Variants in PIK3C2G observed in about 807,000 individuals in gnomAD.
PIK3C2G encodes phosphatidylinositol 3-kinase C2 domain-containing subunit gamma.
PIK3C2G carries 168 observed loss-of-function variants against 181.1 expected under a neutral mutation model. The ratio of observed to expected loss-of-function variants is 0.93; its 90% CI spans 0.82 to 1.05. The LOEUF (loss-of-function observed/expected upper bound fraction) is 1.05, where lower values mean the gene tolerates loss of function less well. Among genes scored for constraint, PIK3C2G ranks in the 50% least tolerant of loss-of-function variants. The pLI, the probability that PIK3C2G is intolerant of heterozygous loss-of-function variation, is 0.00. For missense variants in PIK3C2G, 1,869 were observed against 1,732.8 expected, an observed-to-expected ratio of 1.08 and a Z score of -1.40; for synonymous variants, 573 against 592.2, an observed-to-expected ratio of 0.97 and a Z score of 0.47.
chr12:18,287,789 G>A (rs1037338107), intron 3 of PIK3C2G, among the ~76,000 whole-genome samples: 1 of 151,752 alleles, frequency 6.6e-6, no homozygotes, highest in African/African-American at 2.4e-5. Flanking sequence ...GCTTGAACCC[G>A]GGATGCAGAG....
chr12:18,451,560 GTTTA>G (rs1345389874), intron 18 of PIK3C2G, among the ~76,000 whole-genome samples: 1 of 151,974 alleles, frequency 6.6e-6, no homozygotes, highest in Non-Finnish European at 1.5e-5. Flanking sequence ...TTTGAATATT[GTTTA>G]TTTCTTTCTC....
the PIK3C2G span, among the ~76,000 whole-genome samples, chr12:18,710,130 T>C: frequency 1.3e-5 from 2 of 150,410 alleles, no homozygotes; most frequent in Non-Finnish European, 3.0e-5. Flanking sequence ...CTTTTCTTCC[T>C]ATTGGAAATA....
chr12:18,345,687 C>T (rs1939603444), intron 10 of PIK3C2G, among the ~76,000 whole-genome samples: 1 of 152,038 alleles, frequency 6.6e-6, no homozygotes, highest in Non-Finnish European at 1.5e-5. Flanking sequence ...GCTTTTTTAA[C>T]TTATAAAGTG....
intron 24 of PIK3C2G, among the ~76,000 whole-genome samples, chr12:18,521,635 G>A (rs1386092405): frequency 2.0e-5 from 3 of 152,182 alleles, no homozygotes; most frequent in African/African-American, 4.8e-5. Flanking sequence ...TAGGAAGGGG[G>A]AGTGCAGCCT....
the PIK3C2G span, among the ~76,000 whole-genome samples, chr12:18,665,580 G>A: frequency 6.6e-6 from 1 of 152,094 alleles, no homozygotes; most frequent in East Asian, 1.9e-4. Context: ...ATCACCTGAG[G>A]TCGGGAGTTG....
intron 19 of PIK3C2G, among the ~76,000 whole-genome samples, chr12:18,489,478 C>T (rs1240806935): frequency 6.6e-6 from 1 of 151,824 alleles, no homozygotes; most frequent in African/African-American, 2.4e-5. Context: ...CTTTCTCAGC[C>T]CAGGATTTTT....
intron 11 of PIK3C2G, 86 bp from the exon 12 acceptor site, chr12:18,362,678 T>C (rs1941345983): frequency 1.8e-5 from 18 of 997,308 alleles, no homozygotes; most frequent in Non-Finnish European, 2.4e-5. Flanking sequence ...ATCATTTGAC[T>C]TTTGACTACA....
chr12:18,714,201 C>T, the PIK3C2G span, among the ~76,000 whole-genome samples: 1 of 152,106 alleles, frequency 6.6e-6, no homozygotes, highest in African/African-American at 2.4e-5. Flanking sequence ...ATAGTTATAG[C>T]GTTAAGATAA....
At chr12:18,602,886 T>G (rs2136549800) in intron 30 of PIK3C2G, among the ~76,000 whole-genome samples, 1 of 152,262 alleles carries the variant, frequency 6.6e-6, no homozygotes, top group South Asian at 2.1e-4. Flanking sequence ...CCTTCAGCCC[T>G]TGACTTTCCC....
intron 24 of PIK3C2G, among the ~76,000 whole-genome samples, chr12:18,530,573 A>G (rs1943495005): frequency 6.6e-6 from 1 of 152,092 alleles, no homozygotes; most frequent in African/African-American, 2.4e-5. Context: ...TCATTACTTG[A>G]TAAGATCAAC....
At chr12:18,261,325 T>A (rs138545025), upstream of PIK3C2G, among the ~76,000 whole-genome samples, 1 of 152,200 alleles carries the variant, frequency 6.6e-6, no homozygotes, top group African/African-American at 2.4e-5. Flanking sequence ...AGCTCATTTA[T>A]GGTTGGGTTT....
At chr12:18,424,093 G>A in intron 18 of PIK3C2G, 54 bp downstream of exon 18, 1 of 1,025,922 alleles carries the variant, frequency 9.7e-7, no homozygotes, top group East Asian at 2.5e-5. Flanking sequence ...CCTTCTCTAT[G>A]GGGCAGCTTT....
intron 24 of PIK3C2G, among the ~76,000 whole-genome samples, chr12:18,524,505 T>C (rs901080141): frequency 6.6e-6 from 1 of 152,164 alleles, no homozygotes; most frequent in African/African-American, 2.4e-5. Context: ...TTTAATCCTG[T>C]ATTAGTATAT....
chr12:18,704,573 C>T, the PIK3C2G span, among the ~76,000 whole-genome samples: 1 of 152,018 alleles, frequency 6.6e-6, no homozygotes, highest in East Asian at 1.9e-4. Context: ...GGGATCCGCC[C>T]TCCTCAGCCT....
At chr12:18,562,965 A>G in intron 27 of PIK3C2G, 73 bp downstream of exon 27, 7 of 965,372 alleles carry the variant, frequency 7.3e-6, no homozygotes, top group Non-Finnish European at 1.1e-5. Context: ...ACTATGCTAC[A>G]CAGCCTTTCT....
chr12:18,474,701 A>C (rs140434616), intron 18 of PIK3C2G, among the ~76,000 whole-genome samples: 1 of 152,154 alleles, frequency 6.6e-6, no homozygotes, highest in South Asian at 2.1e-4. Context: ...TTTGTCCAAC[A>C]TAAAATACTA....
chr12:18,580,629 T>C (rs1159614546), intron 29 of PIK3C2G, among the ~76,000 whole-genome samples: 2 of 152,218 alleles, frequency 1.3e-5, no homozygotes, highest in Non-Finnish European at 2.9e-5. Context: ...CATTTTAAAC[T>C]AGAATTGTAA....
intron 16 of PIK3C2G, among the ~76,000 whole-genome samples, chr12:18,403,359 T>A (rs1471416884): frequency 1.3e-5 from 2 of 152,166 alleles, no homozygotes; most frequent in African/African-American, 2.4e-5. Context: ...AGTATTTCCA[T>A]TGTACTCATC....
At chr12:18,677,547 A>G in the PIK3C2G span, among the ~76,000 whole-genome samples, 2 of 151,972 alleles carry the variant, frequency 1.3e-5, no homozygotes, top group African/African-American at 4.8e-5. Context: ...AATGTCCCCT[A>G]TGCTGTTTTC....
Sources: gnomAD v4.1 joint callset for allele counts (sites outside exome capture counted in the v4.1 genomes callset) on GRCh38, gnomAD v4.1.1 for gene constraint, MANE v1.5 for transcripts, NCBI Gene and HGNC (gene_info 2026-07-23, HGNC 2026-07-21) for gene names.